The following PKHD1 variants were observed in gnomAD, a reference collection of about 807,000 sequenced individuals.
PKHD1 encodes the protein PKHD1 ciliary IPT domain containing fibrocystin/polyductin, also known as fibrocystin.
In PKHD1, 291 loss-of-function variants were observed where a neutral mutation model predicts 412.0. The observed-to-expected ratio is 0.71, with a 90% CI of 0.64 to 0.78. The LOEUF (loss-of-function observed/expected upper bound fraction) is 0.78. PKHD1 is among the 30% of genes least tolerant of loss of function. The pLI, the probability that PKHD1 is intolerant of heterozygous loss-of-function variation, is 0.00. For synonymous variants in PKHD1, 1,777 were observed against 1,821.5 expected, an observed-to-expected ratio of 0.98 and a Z score of 0.62; for missense variants, 4,825 against 4,950.7, an observed-to-expected ratio of 0.97 and a Z score of 0.76.
chr6:51,941,706 C>G (rs1417375002), intron 36 of PKHD1, among the ~76,000 whole-genome samples: 1 of 151,632 alleles, frequency 6.6e-6, no homozygotes, highest in African/African-American at 2.4e-5. Flanking sequence ...AACCCATATA[C>G]TCTCCTATCC....
chr6:51,621,965 C>A (rs1346848401), intron 66 of PKHD1: 1 of 152,204 alleles, frequency 6.6e-6, no homozygotes, highest in African/African-American at 2.4e-5. Context: ...GCCTCCTTTC[C>A]ACCTCTGCCT....
Position 51,896,164 on chromosome 6 carries a change from C to T in PKHD1, c.6996+7433G>A, listed in dbSNP as rs535486643. Among the ~76,000 whole-genome samples, 849 of 152,286 alleles carry T rather than the reference C, an allele frequency of 5.6e-3. 5 individuals carry two copies. The highest frequency in any genetic ancestry group is 0.018 in the African/African-American group (740 of 41,558). The stretch of plus-strand genomic sequence containing the variant: ...GGAAGCTCGAACTGGGTGGAGCCCA[C>T]CACAGCTCAAGGAGGCCTGCCTGCC... On this transcript the variant is annotated intron_variant, in intron 43 of 66. Coordinates refer to ENST00000371117, the MANE Select transcript of PKHD1 (RefSeq NM_138694.4).
intron 19 of PKHD1, among the ~76,000 whole-genome samples, chr6:52,055,131 G>A (rs1450952457): frequency 6.6e-6 from 1 of 152,196 alleles, no homozygotes; most frequent in Non-Finnish European, 1.5e-5. Flanking sequence ...GGTCCTAACT[G>A]TGCAGGCACT....
chr6:51,870,486 G>A lies in PKHD1; in HGVS notation c.7486+18C>T, dbSNP rs780713114. The A allele has an allele frequency of 2.1e-5, 33 of 1,597,162 alleles. No homozygotes were observed. The highest frequency in any genetic ancestry group is 2.8e-5 in the Non-Finnish European group (33 of 1,165,176). Reference sequence around the variant, plus strand: ...ATGGGCCTTATTTATCATCTGTTCTGTCTATTCAAATAATTACCTTGTCCT... The same window carrying A: ...ATGGGCCTTATTTATCATCTGTTCTATCTATTCAAATAATTACCTTGTCCT... On this transcript the variant is annotated intron_variant, in intron 47 of 66. Transcript: ENST00000371117.
At chr6:51,642,429 G>A (rs1167361987) in intron 63 of PKHD1, among the ~76,000 whole-genome samples, 2 of 152,182 alleles carry the variant, frequency 1.3e-5, no homozygotes, top group African/African-American at 4.8e-5. Context: ...TATGGGTAAA[G>A]TATGGAGTGT....
rs112926150 is a variant in PKHD1 at position 51,691,195 on chromosome 6, T to C, written c.10157-31226A>G. ...GTTGTGGAGAAAAAAGGAATGCTTA[T>C]ATATTGTTGGTGGGAGTGTAAATCA... is the stretch of plus-strand genomic sequence containing the variant. On this transcript the variant is annotated intron_variant, in intron 60 of 66. Transcript: ENST00000371117. Among the ~76,000 whole-genome samples, 391 of 152,222 alleles carry C rather than the reference T, an allele frequency of 2.6e-3. 2 individuals carry two copies. The highest frequency in any genetic ancestry group is 8.7e-3 in the African/African-American group (363 of 41,546).
At chr6:51,928,176 T>C (rs1037749602) in intron 37 of PKHD1, among the ~76,000 whole-genome samples, 2 of 152,092 alleles carry the variant, frequency 1.3e-5, no homozygotes, top group African/African-American at 4.8e-5. Flanking sequence ...GTGCCTCAAG[T>C]TGAAGCTTTG....
chr6:51,862,725 A>G (rs1774395984), intron 48 of PKHD1, among the ~76,000 whole-genome samples: 1 of 152,208 alleles, frequency 6.6e-6, no homozygotes, highest in African/African-American at 2.4e-5. Flanking sequence ...GGTGATCAAC[A>G]AGAACACTAA....
At chr6:52,079,750 G>A (rs1811784118) in intron 5 of PKHD1, 150 bp downstream of exon 5, 8 of 730,062 alleles carry the variant, frequency 1.1e-5, no homozygotes, top group South Asian at 4.3e-5. Flanking sequence ...TCTTTCATTA[G>A]TATAATATAA....
rs1195276132 is a variant in PKHD1, at chr6:51,659,366, AAGTT to A, written c.10756_10759del (p.Asn3586SerfsTer22). On this transcript the variant is annotated frameshift_variant, in exon 61 of 67. Transcript: ENST00000371117. LOFTEE classifies it high-confidence loss of function. ...GATTTGGTTTTGGCCAATCTGTAAGAAGTTAGTTAGTCTTTCGAGTATTACTATT... is the reference window on the plus strand; with the variant it reads ...GATTTGGTTTTGGCCAATCTGTAAGAAGTTAGTCTTTCGAGTATTACTATT... 4 of 1,613,770 alleles carry A rather than the reference AAGTT, an allele frequency of 2.5e-6. No individual in the cohort carries two copies. The highest frequency in any genetic ancestry group is 2.5e-6 in the Non-Finnish European group (3 of 1,179,880).
At chr6:52,017,708 T>C (rs1800768752) in intron 33 of PKHD1, 79 bp from the exon 34 acceptor site, 1 of 1,051,868 alleles carries the variant, frequency 9.5e-7, no homozygotes. Flanking sequence ...ATGAAGTTCC[T>C]GTGTCCTCCT....
chr6:51,883,581 A>G (rs1260385181), intron 45 of PKHD1, among the ~76,000 whole-genome samples: 1 of 152,238 alleles, frequency 6.6e-6, no homozygotes, highest in Non-Finnish European at 1.5e-5. Context: ...CATTTTCTTC[A>G]ATGTATTATA....
intron 64 of PKHD1, among the ~76,000 whole-genome samples, chr6:51,635,867 G>C (rs1463851426): frequency 1.2e-5 from 1 of 86,482 alleles, no homozygotes; most frequent in Non-Finnish European, 2.5e-5. Flanking sequence ...GTGGGGGGGG[G>C]CGGGGGGCCG....
At chr6:52,008,089 A>C (rs952787359) in intron 35 of PKHD1, among the ~76,000 whole-genome samples, 1 of 152,090 alleles carries the variant, frequency 6.6e-6, no homozygotes, top group East Asian at 1.9e-4. Context: ...CAATGATGGT[A>C]CCCATCTCCT....
chr6:52,060,553 G>C lies in PKHD1; in HGVS notation c.1119-511C>G, dbSNP rs575085148. On this transcript the variant is annotated intron_variant, in intron 14 of 66. Coordinates refer to ENST00000371117, the MANE Select transcript of PKHD1 (RefSeq NM_138694.4). Reference sequence around the variant, plus strand: ...AATTTCAAATTAAAACCCATCAAATGCAACTTTGAAGAAGATTACAGGCAA... The same window carrying C: ...AATTTCAAATTAAAACCCATCAAATCCAACTTTGAAGAAGATTACAGGCAA... Among the ~76,000 whole-genome samples, 227 of 152,180 alleles carry C rather than the reference G, an allele frequency of 1.5e-3. 1 individual carries two copies. The highest frequency in any genetic ancestry group is 3.5e-3 in the Admixed American group (54 of 15,290).
chr6:51,772,236 T>C (rs1422609510), intron 55 of PKHD1, among the ~76,000 whole-genome samples: 1 of 152,112 alleles, frequency 6.6e-6, no homozygotes, highest in African/African-American at 2.4e-5. Context: ...TTCTTCATTT[T>C]ACCTATTCTT....
chr6:51,683,918 C>T (rs1028954844), intron 60 of PKHD1, among the ~76,000 whole-genome samples: 1 of 151,990 alleles, frequency 6.6e-6, no homozygotes, highest in African/African-American at 2.4e-5. Flanking sequence ...TTCTCCTTCT[C>T]TTTTAGAGAC....
At chr6:51,952,758 C>T (rs1457530162) in intron 36 of PKHD1, among the ~76,000 whole-genome samples, 1 of 152,040 alleles carries the variant, frequency 6.6e-6, no homozygotes, top group Non-Finnish European at 1.5e-5. Context: ...CAAAAAAACT[C>T]GGGCTAGTTC....
At chr6:52,020,030 C>T (rs1287256243) in intron 33 of PKHD1, among the ~76,000 whole-genome samples, 3 of 152,102 alleles carry the variant, frequency 2.0e-5, no homozygotes, top group African/African-American at 2.4e-5. Flanking sequence ...AGTTCAGGGT[C>T]ATTATCTGTA....
Sources: gnomAD v4.1 joint callset for allele counts (sites outside exome capture counted in the v4.1 genomes callset) on GRCh38, gnomAD v4.1.1 for gene constraint, MANE v1.5 for transcripts, NCBI Gene and HGNC (gene_info 2026-07-23, HGNC 2026-07-21) for gene names.